The following HIPK2 variants were observed in gnomAD, a reference collection of about 807,000 sequenced individuals.
The protein encoded by HIPK2 is homeodomain interacting protein kinase 2, also known as homeodomain-interacting protein kinase 2.
In HIPK2, 27 loss-of-function variants were observed where a neutral mutation model predicts 113.7. The ratio of observed to expected loss-of-function variants is 0.24; its 90% CI spans 0.17 to 0.33. HIPK2 has a LOEUF of 0.33. Among genes scored for constraint, HIPK2 ranks in the 10% least tolerant of loss-of-function variants. HIPK2 has a pLI of 1.00. For missense variants in HIPK2, 1,257 were observed against 1,588.0 expected (o/e 0.79, Z 3.54); for synonymous variants, 631 against 642.2 (o/e 0.98, Z 0.26).
chr7:139,579,436 T>C (rs1019335207), intron 13 of HIPK2, among the ~76,000 whole-genome samples: 21 of 151,928 alleles, frequency 1.4e-4, no homozygotes, highest in African/African-American at 5.1e-4. Flanking sequence ...GGGGCAGAGG[T>C]GCTAAATATT....
rs772952959 is a variant in HIPK2, at chr7:139,716,855, C to T, written c.180G>A (p.Ser60=). 11 of 1,613,646 alleles carry T rather than the reference C, an allele frequency of 6.8e-6. No homozygotes were observed. Among genetic ancestry groups the T allele is most frequent in the East Asian group, 6.7e-5 (3 of 44,880 alleles). Residue 60 remains serine (S), a synonymous_variant, in exon 2 of 15, where the codon TCG becomes TCA. Coordinates refer to ENST00000406875, the MANE Select transcript of HIPK2 (RefSeq NM_022740.5). This position sits in a 1 kb window ranked among gnomAD's most constrained non-coding sequence, Gnocchi z 9.3. ...VYSQSKNIPL[S]QPATTTVSTS... ...TGCTGACGGTTGTGGTGGCTGGCTGCGACAGGGGGATGTTCTTGCTCTGGC... is the reference window on the plus strand; with the variant it reads ...TGCTGACGGTTGTGGTGGCTGGCTGTGACAGGGGGATGTTCTTGCTCTGGC...
rs1359803159 is a variant in HIPK2, at chr7:139,584,028, A to G, written c.2754T>C (p.Cys918=). The stretch of plus-strand genomic sequence containing the variant: ...AGTAGGGGGAGTCGTGGACTGTGAC[A>G]CAGCTGATGACGTTTTTTCTTTGCT... The part of the protein sequence containing the change: ...VSKQRKNVIS[C]VTVHDSPYSD... The change falls in exon 13 of 15, where the codon TGT becomes TGC. Residue 918 remains cysteine, a synonymous_variant. Transcript: ENST00000406875. The G allele has an allele frequency of 1.2e-6, 2 of 1,606,194 alleles. No homozygotes were observed. Among genetic ancestry groups the G allele is most frequent in the South Asian group, 2.2e-5 (2 of 90,198 alleles).
intron 2 of HIPK2, among the ~76,000 whole-genome samples, chr7:139,704,238 C>A (rs1196915214): frequency 3.0e-3 from 6 of 2,020 alleles, no homozygotes; most frequent in African/African-American, 0.012. Context: ...ACACCCAACA[C>A]ATGCACCCCT....
At chr7:139,620,806 T>A (rs1800209362) in intron 6 of HIPK2, among the ~76,000 whole-genome samples, 1 of 152,146 alleles carries the variant, frequency 6.6e-6, no homozygotes, top group Non-Finnish European at 1.5e-5. Context: ...TCCATATAGG[T>A]TCTATATATC....
In HIPK2 at chr7:139,615,434, CATT is replaced by C. The variant is rs1004781614; in HGVS notation, c.1783-944_1783-942del. Among the ~76,000 whole-genome samples the C allele has an allele frequency of 3.9e-5, 6 of 152,352 alleles. No individual in the cohort carries two copies. In the South Asian group the frequency reaches 6.2e-4, roughly 16 times the overall value. ...GGCTTTGACAAACACAAGCCATTGACATTATGTCCTCTTGCCTTTCTTTTTCAG... is the reference window on the plus strand; with the variant it reads ...GGCTTTGACAAACACAAGCCATTGACATGTCCTCTTGCCTTTCTTTTTCAG... On this transcript the variant is annotated intron_variant, in intron 7 of 14. Coordinates refer to ENST00000406875, the MANE Select transcript of HIPK2 (RefSeq NM_022740.5).
At chr7:139,733,340 G>C (rs1459599677) in intron 1 of HIPK2, among the ~76,000 whole-genome samples, 3 of 152,226 alleles carry the variant, frequency 2.0e-5, no homozygotes, top group Non-Finnish European at 4.4e-5. Flanking sequence ...CTAGCTCCCA[G>C]AGGCCTAGCT....
At chr7:139,661,994 G>A (rs11972338) in intron 2 of HIPK2, among the ~76,000 whole-genome samples, 39,200 of 152,056 alleles carry the variant, frequency 0.26, 5,671 homozygotes, top group East Asian at 0.53. Flanking sequence ...CACTTGCTAA[G>A]ACTACATTAT....
rs149970602 is a variant in HIPK2, at chr7:139,693,976, TAA to T, written c.1103+21954_1103+21955del. 3.6e-3 allele frequency among the ~76,000 whole-genome samples: 549 copies of T among 152,350 alleles called. 6 individuals carry two copies. Among genetic ancestry groups the T allele is most frequent in the African/African-American group, 0.013 (529 of 41,586 alleles). ...TAAAAACAAGCCACTTCCACATGCA[TAA>T]AGAGTGCAGTCTTTCCTTGAAGTGA... On this transcript the variant is annotated intron_variant, in intron 2 of 14. Coordinates refer to ENST00000406875, the MANE Select transcript of HIPK2 (RefSeq NM_022740.5).
chr7:139,777,613 A>G lies in HIPK2; in HGVS notation c.11T>C (p.Val4Ala). 9.4e-7 allele frequency: 1 copy of G among 1,069,384 alleles called. No individual in the cohort carries two copies. The highest frequency in any genetic ancestry group is 1.1e-6 in the Non-Finnish European group (1 of 882,890). The allele number at this position is 1,069,384 out of a possible 1,614,324, so 66.2% of individuals were successfully genotyped here. Residue 4 changes from valine (V) to alanine (A), a missense_variant, in exon 1 of 15, where the codon GTG (valine) becomes GCG (alanine). Physicochemically the swap from Val to Ala is moderately conservative, Grantham distance 64. Around this residue, in one of 5 missense-constraint regions of HIPK2, gnomAD observed 209 missense variants for 237.8 expected, o/e 0.88. Coordinates refer to ENST00000406875, the MANE Select transcript of HIPK2 (RefSeq NM_022740.5). ...GGCCGGGCGCCCCTTACCTTCGTAC[A>G]CGGGGGCCATCGGGGCCGGGGTGTC... is the stretch of plus-strand genomic sequence containing the variant. MAP[V>A]YEGMASHVQV...
At chr7:139,649,265 G>A (rs950526186) in intron 2 of HIPK2, among the ~76,000 whole-genome samples, 2 of 152,156 alleles carry the variant, frequency 1.3e-5, no homozygotes, top group Non-Finnish European at 2.9e-5. Context: ...GCTGCGGGGG[G>A]CGGGCCGATG....
intron 10 of HIPK2, 71 bp downstream of exon 10, chr7:139,604,010 C>A (rs1799528966): frequency 8.2e-6 from 13 of 1,593,712 alleles, no homozygotes; most frequent in South Asian, 1.1e-5. Flanking sequence ...AGCCTGGCAG[C>A]CCTGTGTTGG....
At chr7:139,695,612 T>C (rs932513298) in intron 2 of HIPK2, among the ~76,000 whole-genome samples, 1 of 152,150 alleles carries the variant, frequency 6.6e-6, no homozygotes, top group Non-Finnish European at 1.5e-5. Flanking sequence ...TACAGAATGG[T>C]TTACAGGACA....
intron 2 of HIPK2, among the ~76,000 whole-genome samples, chr7:139,635,381 G>A (rs939473173): frequency 2.0e-5 from 3 of 152,172 alleles, no homozygotes; most frequent in Admixed American, 1.3e-4. Context: ...CTCATGGCCC[G>A]GAAGGCTGTT....
At chr7:139,685,599 T>C (rs1362814148) in intron 2 of HIPK2, among the ~76,000 whole-genome samples, 2 of 152,250 alleles carry the variant, frequency 1.3e-5, no homozygotes, top group African/African-American at 2.4e-5. Flanking sequence ...TAAGGGCTGA[T>C]GCAGCTGGTG....
chr7:139,733,323 T>A (rs1016641262), intron 1 of HIPK2, among the ~76,000 whole-genome samples: 4 of 152,010 alleles, frequency 2.6e-5, no homozygotes, highest in African/African-American at 9.7e-5. Context: ...GAGGGGAGGG[T>A]GGTCAGCTAG....
chr7:139,608,107 G>T (rs1299161046), intron 9 of HIPK2, among the ~76,000 whole-genome samples: 1 of 151,918 alleles, frequency 6.6e-6, no homozygotes, highest in African/African-American at 2.4e-5. Context: ...GCCGGGGCGT[G>T]GTGGCACATG....
intron 5 of HIPK2, among the ~76,000 whole-genome samples, chr7:139,628,184 C>T (rs958306000): frequency 2.0e-5 from 3 of 152,190 alleles, no homozygotes; most frequent in Admixed American, 6.5e-5. Context: ...TGCTCTTCCC[C>T]TATGGCCTTT....
chr7:139,768,446 G>GT (rs916605809), intron 1 of HIPK2, among the ~76,000 whole-genome samples: 35 of 150,080 alleles, frequency 2.3e-4, no homozygotes, highest in South Asian at 8.5e-4. Context: ...TGGGAAATCA[G>GT]TTTTTTTTTT....
chr7:139,717,188 C>A (rs954493187), intron 1 of HIPK2, 173 bp from the exon 2 acceptor site: 1 of 487,004 alleles, frequency 2.1e-6, no homozygotes, highest in Non-Finnish European at 2.7e-6. Context: ...ATTCTGGTCA[C>A]TGAGTTTGTG....
Sources: allele counts gnomAD v4.1 joint callset (sites outside exome capture counted in the v4.1 genomes callset), GRCh38; gene constraint gnomAD v4.1.1; regional missense constraint gnomAD v4.1.1; non-coding constraint Gnocchi (gnomAD v3.1); transcripts MANE v1.5; gene names NCBI Gene and HGNC (gene_info 2026-07-23, HGNC 2026-07-21).